CASKIN1: variants seen among roughly 807,000 people sequenced by gnomAD.
CASKIN1 encodes caskin-1.
CASKIN1 carries 42 observed loss-of-function variants against 117.5 expected under a neutral mutation model. The observed-to-expected ratio is 0.36, with a 90% confidence interval of 0.28 to 0.46. The LOEUF is 0.46. Ranked by LOEUF, CASKIN1 falls within the 20% of genes least tolerant of loss-of-function variation. The pLI, the probability that CASKIN1 is intolerant of heterozygous loss-of-function variation, is 1.00. For synonymous variants in CASKIN1, 1,148 were observed against 961.7 expected (o/e 1.19, Z -3.59); for missense variants, 2,083 against 2,077.3 (o/e 1.00, Z -0.05).
intron 16 of CASKIN1, 61 bp downstream of exon 16, chr16:2,183,585 C>CTG: frequency 1.3e-6 from 2 of 1,507,852 alleles, no homozygotes; most frequent in Non-Finnish European, 1.8e-6. Context: ...GAGGCAGGTT[C>CTG]TCTGTCTGTC....
In CASKIN1 at chr16:2,178,422, G is replaced by C; in HGVS notation, c.*128C>G. ...GTGGGCGCCCCGGCCCGGGTCCAGGGGCCGGAGTTGTGCTTCTGCAGGGCC... is the reference window on the plus strand; with the variant it reads ...GTGGGCGCCCCGGCCCGGGTCCAGGCGCCGGAGTTGTGCTTCTGCAGGGCC... On this transcript the variant is annotated 3_prime_UTR_variant, in exon 20 of 20. Transcript: ENST00000343516. 3 of 651,554 alleles carry C rather than the reference G, an allele frequency of 4.6e-6. No individual in the cohort carries two copies. Among genetic ancestry groups the C allele is most frequent in the Non-Finnish European group, 7.0e-6 (3 of 425,626 alleles). 40.4% of individuals were successfully genotyped at this position (651,554 alleles called of 1,614,324 possible).
In CASKIN1 at chr16:2,187,434, A is replaced by C; in HGVS notation, c.645T>G (p.Ile215Met). The stretch of plus-strand genomic sequence containing the variant: ...CCGTGCCGGACTTGGTCTGGCGGTT[A>C]ATGTCGATGCCGGCTTGGAGGAGGA... ...IRLLLQAGID[I>M]NRQTKSGTAL... The change falls in exon 7 of 20, where the codon ATT becomes ATG. Residue 215 changes from isoleucine to methionine, a missense_variant. Ile to Met is a conservative substitution (Grantham distance 10, BLOSUM62 1). This residue lies in a region of CASKIN1 where 203 missense variants were observed against 338.7 expected (regional missense o/e 0.60). Coordinates refer to ENST00000343516, the MANE Select transcript of CASKIN1 (RefSeq NM_020764.4). 1.2e-6 allele frequency: 2 copies of C among 1,608,358 alleles called. No individual in the cohort carries two copies. The highest frequency in any genetic ancestry group is 1.7e-6 in the Non-Finnish European group (2 of 1,179,738).
chr16:2,187,922 C>T (rs1049157132), intron 6 of CASKIN1, among the ~76,000 whole-genome samples: 2 of 152,274 alleles, frequency 1.3e-5, no homozygotes, highest in Admixed American at 1.3e-4. Context: ...CTCACTCTGT[C>T]ACCCAGGCTG....
chr16:2,177,400 C>T lies in CASKIN1; in HGVS notation c.*1150G>A, dbSNP rs971912349. The T allele has an allele frequency of 4.3e-6, 1 of 233,418 alleles. No individual in the cohort carries two copies. Among genetic ancestry groups the T allele is most frequent in the Non-Finnish European group, 8.5e-6 (1 of 118,096 alleles). The allele number at this position is 233,418 out of a possible 1,614,324, so 14.5% of individuals were successfully genotyped here. A position where few individuals can be genotyped will look rare whatever the true frequency, so the allele number is the denominator to read the frequency against. ...GCCTCCACCCGCCCCACACCACAATCGCTGGTTTTCGGCATTTTTTAAATT... is the reference window on the plus strand; with the variant it reads ...GCCTCCACCCGCCCCACACCACAATTGCTGGTTTTCGGCATTTTTTAAATT... On this transcript the variant is annotated 3_prime_UTR_variant, in exon 20 of 20. Coordinates refer to ENST00000343516, the MANE Select transcript of CASKIN1 (RefSeq NM_020764.4).
chr16:2,178,775 C>T, intron 19 of CASKIN1, 127 bp downstream of exon 19: 1 of 1,328,806 alleles, frequency 7.5e-7, no homozygotes, highest in Non-Finnish European at 9.7e-7. Flanking sequence ...CGGCGGAGCC[C>T]CGCTCACGGC....
At chr16:2,184,551 A>C (rs2093178025) in intron 14 of CASKIN1, among the ~76,000 whole-genome samples, 1 of 152,142 alleles carries the variant, frequency 6.6e-6, no homozygotes, top group African/African-American at 2.4e-5. Context: ...GCACACACAG[A>C]GGCACAGGTT....
chr16:2,195,883 G>A (rs963607105), intron 1 of CASKIN1, among the ~76,000 whole-genome samples: 12 of 152,068 alleles, frequency 7.9e-5, no homozygotes, highest in African/African-American at 2.9e-4. Context: ...TTAAACGTGG[G>A]GCGGGAGGGG....
At position 2,179,966 on chromosome 16, in the gene CASKIN1, C is replaced by T. The variant is rs375004731; in HGVS notation, c.3402G>A (p.Gln1134=). 19 of 1,606,668 alleles carry T rather than the reference C, an allele frequency of 1.2e-5. No homozygotes were observed. Among genetic ancestry groups the T allele is most frequent in the Non-Finnish European group, 1.5e-5 (18 of 1,177,274 alleles). Residue 1134 remains glutamine, a synonymous_variant, in exon 18 of 20, where the codon CAG becomes CAA. Coordinates refer to ENST00000343516, the MANE Select transcript of CASKIN1 (RefSeq NM_020764.4). The surrounding 1 kb of genome is among the most constrained non-coding windows in gnomAD (Gnocchi z 5.8). ...TCAGGATGAACTTGACGTTCTCCTG[C>T]TGGTTCTGCTTGGCCCGGATGCGCC... ...LKRRIRAKQN[Q]QENVKFILTE...
chr16:2,190,033 C>A, intron 3 of CASKIN1, 40 bp downstream of exon 3: 3 of 1,561,210 alleles, frequency 1.9e-6, no homozygotes, highest in South Asian at 1.1e-5. Flanking sequence ...CCTCGCTGCC[C>A]CCGCCCCTGC....
In CASKIN1 at chr16:2,179,425, A is replaced by T. The variant is rs2093158480; in HGVS notation, c.3776-100T>A. The T allele has an allele frequency of 6.7e-6, 9 of 1,344,834 alleles. No homozygotes were observed. Among genetic ancestry groups the T allele is most frequent in the Non-Finnish European group, 8.5e-6 (9 of 1,054,798 alleles). The allele number at this position is 1,344,834 out of a possible 1,614,324, so 83.3% of individuals were successfully genotyped here. A position where few individuals can be genotyped will look rare whatever the true frequency, so the allele number is the denominator to read the frequency against. Reference sequence around the variant, plus strand: ...CTTCCTCCCCAGCGGACCGGGAAAGACCCTGCTCACCTTGCCCCCAGCCCT... The same window carrying T: ...CTTCCTCCCCAGCGGACCGGGAAAGTCCCTGCTCACCTTGCCCCCAGCCCT... On this transcript the variant is annotated intron_variant, in intron 18 of 19. Transcript: ENST00000343516. The surrounding 1 kb of genome is among the most constrained non-coding windows in gnomAD (Gnocchi z 5.8).
intron 1 of CASKIN1, among the ~76,000 whole-genome samples, chr16:2,194,789 A>G (rs1461898509): frequency 6.6e-6 from 1 of 152,056 alleles, no homozygotes; most frequent in Non-Finnish European, 1.5e-5. Flanking sequence ...ACCTCCCCAG[A>G]ATGGCCACAA....
Position 2,181,436 on chromosome 16 carries a change from G to T in CASKIN1, c.1932C>A (p.Cys644Ter). Reference protein sequence around the residue: ...PPPPEPTPADCQSPKMTTFQD... With the variant: ...PPPPEPTPAD ...GGAAGGTGGTCATTTTAGGGGACTG[G>T]CAGTCGGCCGGTGTGGGCTCAGGCG... The change falls in exon 18 of 20, where the codon TGC (cysteine) becomes TGA (stop). Residue 644 changes from cysteine to a stop codon, truncating the protein, a stop_gained. Transcript: ENST00000343516. LOFTEE classifies it high-confidence loss of function. 6.2e-7 allele frequency: 1 copy of T among 1,612,270 alleles called. No homozygotes were observed.
chr16:2,190,416 G>T, intron 1 of CASKIN1, 58 bp from the exon 2 acceptor site: 1 of 1,496,268 alleles, frequency 6.7e-7, no homozygotes. Context: ...CAGGCGGCCT[G>T]AGGGCAGGGA....
Position 2,190,331 on chromosome 16 carries a change from T to C in CASKIN1, c.122A>G (p.Asn41Ser). The C allele has an allele frequency of 1.3e-6, 2 of 1,575,814 alleles. No individual in the cohort carries two copies. The highest frequency in any genetic ancestry group is 2.3e-5 in the East Asian group (1 of 42,810). Residue 41 changes from asparagine to serine, a missense_variant, in exon 2 of 20, where the codon AAT becomes AGT. By Grantham distance (46) the Asn-to-Ser change is conservative (BLOSUM62 1). This residue lies in a region of CASKIN1 where 203 missense variants were observed against 338.7 expected (regional missense o/e 0.60). Transcript: ENST00000343516. ...CCCATCCGGGTCCTGGAAGTTGACA[T>C]TGATCTTCTTGGTGGAACCCAGGAG... Reference protein sequence around the residue: ...AKLLGSTKKINVNFQDPDGFS... With the variant: ...AKLLGSTKKISVNFQDPDGFS...
chr16:2,193,380 T>C (rs1245061157), intron 1 of CASKIN1, among the ~76,000 whole-genome samples: 1 of 152,210 alleles, frequency 6.6e-6, no homozygotes, highest in African/African-American at 2.4e-5. Flanking sequence ...CTGGGAATTA[T>C]GTCGTGGGGC....
chr16:2,185,925 G>A (rs982127545), intron 10 of CASKIN1, among the ~76,000 whole-genome samples: 4 of 152,212 alleles, frequency 2.6e-5, no homozygotes, highest in East Asian at 1.9e-4. Context: ...CTGCCTCAGC[G>A]CCTTTGGTTT....
In CASKIN1 at chr16:2,187,366, C is replaced by T. The variant is rs2093188018; in HGVS notation, c.713G>A (p.Arg238Gln). Residue 238 changes from arginine (R) to glutamine (Q), a missense_variant, in exon 7 of 20, where the codon CGG (arginine) becomes CAG (glutamine). Physicochemically the swap from Arg to Gln is conservative, Grantham distance 43. Coordinates refer to ENST00000343516, the MANE Select transcript of CASKIN1 (RefSeq NM_020764.4). Reference protein sequence around the residue: ...AALCGKTEVVRLLLDSGINAH... With the variant: ...AALCGKTEVVQLLLDSGINAH... ...CCCCACACTCACATCCAGCAGCAGC[C>T]GCACCACCTCTGTCTTTCCGCAGAG... is the stretch of plus-strand genomic sequence containing the variant. 3 of 1,612,780 alleles carry T rather than the reference C, an allele frequency of 1.9e-6. No homozygotes were observed. The highest frequency in any genetic ancestry group is 2.2e-5 in the East Asian group (1 of 44,884).
chr16:2,181,142 G>A lies in CASKIN1; in HGVS notation c.2226C>T (p.Ala742=). The change falls in exon 18 of 20, where the codon GCC becomes GCT. Residue 742 remains alanine (A), a synonymous_variant. Coordinates refer to ENST00000343516, the MANE Select transcript of CASKIN1 (RefSeq NM_020764.4). ...GPAPGTPPRE[A]RPGRHGHSIK... ...TGCTGTGGCCGTGGCGGCCGGGCCG[G>A]GCCTCCCTGGGCGGGGTGCCGGGGG... is the stretch of plus-strand genomic sequence containing the variant. 6.7e-7 allele frequency: 1 copy of A among 1,484,208 alleles called. No individual in the cohort carries two copies. Among genetic ancestry groups the A allele is most frequent in the Non-Finnish European group, 8.9e-7 (1 of 1,127,106 alleles). The allele number at this position is 1,484,208 out of a possible 1,614,324, so 91.9% of individuals were successfully genotyped here.
intron 6 of CASKIN1, 58 bp downstream of exon 6, chr16:2,188,968 AG>A: frequency 6.4e-7 from 1 of 1,557,588 alleles, no homozygotes; most frequent in Non-Finnish European, 8.7e-7. Context: ...CCTGAGCCCC[AG>A]GCTGCTGCTG....
Sources: gnomAD v4.1 joint callset for allele counts (sites outside exome capture counted in the v4.1 genomes callset) on GRCh38, gnomAD v4.1.1 for gene constraint, gnomAD v4.1.1 regional missense constraint, Gnocchi (gnomAD v3.1) non-coding constraint, MANE v1.5 for transcripts, NCBI Gene and HGNC (gene_info 2026-07-23, HGNC 2026-07-21) for gene names.